Variants in CNTN5 observed in about 807,000 individuals in gnomAD.
CNTN5 encodes contactin-5.
CNTN5 carries 77 observed loss-of-function variants against 129.1 expected under a neutral mutation model. That is an observed-to-expected ratio of 0.60 (90% CI 0.50 to 0.72). The LOEUF is 0.72. Among genes scored for constraint, CNTN5 ranks in the 30% least tolerant of loss-of-function variants. CNTN5 has a pLI of 0.00. For missense variants in CNTN5, 1,478 were observed against 1,328.8 expected (o/e 1.11, Z -1.75); for synonymous variants, 509 against 465.6 (o/e 1.09, Z -1.20).
At chr11:99,642,647 G>A (rs2135847933) in intron 3 of CNTN5, among the ~76,000 whole-genome samples, 1 of 152,204 alleles carries the variant, frequency 6.6e-6, no homozygotes, top group African/African-American at 2.4e-5. Flanking sequence ...TTTGAAATAT[G>A]CTTTATTTTT....
chr11:100,114,443 A>T (rs1012834595), intron 13 of CNTN5, among the ~76,000 whole-genome samples: 1 of 152,148 alleles, frequency 6.6e-6, no homozygotes, highest in Non-Finnish European at 1.5e-5. Context: ...ATGAATCTCA[A>T]TTAAATAACT....
chr11:99,721,429 T>C (rs1377434577), intron 3 of CNTN5, among the ~76,000 whole-genome samples: 1 of 152,144 alleles, frequency 6.6e-6, no homozygotes, highest in Non-Finnish European at 1.5e-5. Flanking sequence ...TGGCTAGCCA[T>C]ATGCAGAAGA....
At chr11:99,102,487 C>T (rs1268411054) in intron 1 of CNTN5, among the ~76,000 whole-genome samples, 4 of 152,148 alleles carry the variant, frequency 2.6e-5, no homozygotes, top group Admixed American at 1.3e-4. Flanking sequence ...AAGTAACCTC[C>T]TGAATGCTTT....
chr11:100,180,165 A>G (rs894983239), intron 13 of CNTN5, among the ~76,000 whole-genome samples: 3 of 151,392 alleles, frequency 2.0e-5, no homozygotes, highest in Admixed American at 6.6e-5. Context: ...TAGCAAAACT[A>G]TCTTGACGAA....
chr11:99,202,700 A>G (rs1316600564), intron 1 of CNTN5, among the ~76,000 whole-genome samples: 25 of 151,722 alleles, frequency 1.6e-4, no homozygotes, highest in Admixed American at 1.6e-3. Context: ...ATAGAAACAC[A>G]GTCCAAAAAC....
At chr11:99,786,727 CA>C (rs1215349958) in intron 3 of CNTN5, among the ~76,000 whole-genome samples, 1 of 152,108 alleles carries the variant, frequency 6.6e-6, no homozygotes, top group East Asian at 1.9e-4. Context: ...TGATCTTTGA[CA>C]AACCTGACCA....
chr11:99,110,550 A>C (rs989314609), intron 1 of CNTN5, among the ~76,000 whole-genome samples: 1 of 152,146 alleles, frequency 6.6e-6, no homozygotes, highest in African/African-American at 2.4e-5. Context: ...TTACTGAATC[A>C]CACTATTTCA....
At chr11:99,519,575 C>T (rs1016907200) in intron 2 of CNTN5, among the ~76,000 whole-genome samples, 2 of 152,068 alleles carry the variant, frequency 1.3e-5, no homozygotes, top group South Asian at 2.1e-4. Context: ...AATTTTCTTC[C>T]TTCTAATTAT....
intron 13 of CNTN5, among the ~76,000 whole-genome samples, chr11:100,095,843 A>G (rs1377134336): frequency 1.3e-5 from 2 of 152,042 alleles, no homozygotes; most frequent in Non-Finnish European, 2.9e-5. Flanking sequence ...AAGCATTCCA[A>G]CAGATAACAT....
intron 13 of CNTN5, among the ~76,000 whole-genome samples, chr11:100,172,935 G>A (rs944494340): frequency 1.3e-5 from 2 of 152,062 alleles, no homozygotes; most frequent in African/African-American, 2.4e-5. Flanking sequence ...TGTTGAAATG[G>A]GGAGTGGCCT....
chr11:99,189,956 T>C (rs564868580), intron 1 of CNTN5, among the ~76,000 whole-genome samples: 1 of 151,732 alleles, frequency 6.6e-6, no homozygotes, highest in East Asian at 1.9e-4. Flanking sequence ...TCTGCTTTTT[T>C]ATTCCTATCC....
At chr11:99,295,882 C>CAAAA (rs34180493) in intron 1 of CNTN5, among the ~76,000 whole-genome samples, 4 of 50,952 alleles carry the variant, frequency 7.9e-5, no homozygotes, top group African/African-American at 1.4e-4. Context: ...GACTCCGTCT[C>CAAAA]AAAAAAAAAA....
intron 6 of CNTN5, among the ~76,000 whole-genome samples, chr11:99,872,435 A>T (rs1172864366): frequency 6.6e-6 from 1 of 152,180 alleles, no homozygotes; most frequent in Admixed American, 6.6e-5. Context: ...AGTCTTTAAT[A>T]TTAAAATATT....
chr11:99,091,744 C>T (rs1866262831), intron 1 of CNTN5, among the ~76,000 whole-genome samples: 1 of 152,150 alleles, frequency 6.6e-6, no homozygotes, highest in Admixed American at 6.5e-5. Flanking sequence ...TAGCTAAAGG[C>T]TGGTTGGCAA....
At chr11:99,819,028 T>C (rs932219404) in intron 3 of CNTN5, among the ~76,000 whole-genome samples, 1 of 152,054 alleles carries the variant, frequency 6.6e-6, no homozygotes, top group African/African-American at 2.4e-5. Flanking sequence ...TAATAAATTT[T>C]AGTAAATGAA....
intron 1 of CNTN5, among the ~76,000 whole-genome samples, chr11:99,239,435 T>C (rs1861430827): frequency 6.6e-6 from 1 of 152,214 alleles, no homozygotes; most frequent in African/African-American, 2.4e-5. Context: ...GATAGAGTCA[T>C]AATGTCTCCC....
At chr11:99,612,363 G>A (rs1287438782) in intron 3 of CNTN5, among the ~76,000 whole-genome samples, 6 of 152,054 alleles carry the variant, frequency 3.9e-5, no homozygotes. Flanking sequence ...TGGATCTAAG[G>A]ATTATTCTCT....
rs192388998 is a variant in CNTN5, at chr11:99,170,150, A to G, written c.-210+148880A>G. Among the ~76,000 whole-genome samples, 12 of 152,224 alleles carry G rather than the reference A, an allele frequency of 7.9e-5. No homozygotes were observed. The East Asian group carries it at 1.9e-3, about 24-fold the overall frequency. The stretch of plus-strand genomic sequence containing the variant: ...ATTATAGGTTACTAATATTTTGTGT[A>G]TATATGGCTTACGTTTATATAGCAG... On this transcript the variant is annotated intron_variant, in intron 1 of 24. Coordinates refer to ENST00000524871, the MANE Select transcript of CNTN5 (RefSeq NM_014361.4).
intron 1 of CNTN5, among the ~76,000 whole-genome samples, chr11:99,218,156 G>C (rs550706022): frequency 2.6e-4 from 40 of 152,036 alleles, no homozygotes; most frequent in African/African-American, 8.9e-4. Context: ...ATGTCACCTC[G>C]TGTATGAAGG....
Sources: allele counts gnomAD v4.1 joint callset (sites outside exome capture counted in the v4.1 genomes callset), GRCh38; gene constraint gnomAD v4.1.1; transcripts MANE v1.5; gene names NCBI Gene and HGNC (gene_info 2026-07-23, HGNC 2026-07-21).